The following SAMD12 variants were observed in gnomAD, a reference collection of about 807,000 sequenced individuals.
The protein encoded by SAMD12 is sterile alpha motif domain containing 12, also known as sterile alpha motif domain-containing protein 12.
A neutral mutation model predicts 15.0 loss-of-function variants in SAMD12; 9 were observed. The observed-to-expected ratio is 0.60, with a 90% CI of 0.36 to 1.05. SAMD12 has a LOEUF of 1.05. Among genes scored for constraint, SAMD12 ranks in the 50% least tolerant of loss-of-function variants. The pLI, the probability that SAMD12 is intolerant of heterozygous loss-of-function variation, is 0.01. For synonymous variants in SAMD12, 86 were observed against 90.1 expected, an observed-to-expected ratio of 0.96 and a Z score of 0.25; for missense variants, 230 against 234.2, an observed-to-expected ratio of 0.98 and a Z score of 0.12.
At chr8:118,438,399 G>C (rs1319943791) in intron 3 of SAMD12, among the ~76,000 whole-genome samples, 1 of 133,192 alleles carries the variant, frequency 7.5e-6, no homozygotes, top group African/African-American at 3.0e-5. Context: ...AAAACATTTA[G>C]TGCTTAAATG....
At chr8:118,281,328 G>T (rs2130160925) in intron 4 of SAMD12, among the ~76,000 whole-genome samples, 1 of 152,246 alleles carries the variant, frequency 6.6e-6, no homozygotes, top group South Asian at 2.1e-4. Flanking sequence ...TGTGTCTAGT[G>T]GGGAGGAGAT....
At chr8:118,136,924 T>C in the SAMD12 span, among the ~76,000 whole-genome samples, 2 of 152,218 alleles carry the variant, frequency 1.3e-5, no homozygotes, top group Non-Finnish European at 2.9e-5. Context: ...TCTTTGGCAA[T>C]AGAGATTCCT....
chr8:118,552,865 C>T (rs1449130291), intron 2 of SAMD12, among the ~76,000 whole-genome samples: 1 of 151,736 alleles, frequency 6.6e-6, no homozygotes, highest in Non-Finnish European at 1.5e-5. Context: ...ACAAAAATCA[C>T]AAGCATTCTT....
chr8:118,503,562 A>G (rs978137073), intron 2 of SAMD12, among the ~76,000 whole-genome samples: 2 of 152,338 alleles, frequency 1.3e-5, no homozygotes, highest in South Asian at 4.1e-4. Flanking sequence ...GAATCCACAG[A>G]TAGGTGGCCA....
chr8:118,552,221 CAAAA>C (rs1280387385), intron 2 of SAMD12, among the ~76,000 whole-genome samples: 1 of 151,782 alleles, frequency 6.6e-6, no homozygotes, highest in South Asian at 2.1e-4. Flanking sequence ...AGAGACACAA[CAAAA>C]AAAGAGAATT....
chr8:118,621,842 C>T lies in SAMD12; in HGVS notation c.-26G>A. 1 of 1,613,882 alleles carries T rather than the reference C, an allele frequency of 6.2e-7. No homozygotes were observed. The highest frequency in any genetic ancestry group is 2.2e-5 in the East Asian group (1 of 44,860). On this transcript the variant is annotated 5_prime_UTR_variant, in exon 1 of 4. It removes an upstream start codon present in the reference 5' UTR. Transcript: ENST00000314727. ...TCTCTCAGAGCTTCCCTAACGCATG[C>T]ATAATTTTCTTGGCCGAGGTACTCC...
chr8:118,226,838 T>G (rs1401230685), intron 4 of SAMD12, among the ~76,000 whole-genome samples: 2 of 152,110 alleles, frequency 1.3e-5, no homozygotes, highest in African/African-American at 4.8e-5. Context: ...TGAGAGCTGC[T>G]TGGAAGAACA....
chr8:118,241,079 T>C (rs1362043718), intron 4 of SAMD12, among the ~76,000 whole-genome samples: 3 of 152,210 alleles, frequency 2.0e-5, no homozygotes, highest in Non-Finnish European at 2.9e-5. Flanking sequence ...TCATTGATTT[T>C]AGGGACCAGA....
chr8:118,416,237 T>A (rs1197637347), intron 3 of SAMD12, among the ~76,000 whole-genome samples: 1 of 152,204 alleles, frequency 6.6e-6, no homozygotes, highest in Non-Finnish European at 1.5e-5. Flanking sequence ...AAATGTTATA[T>A]GAAGTGATGA....
rs183251890 is a variant in SAMD12, at chr8:118,328,414, C to T, written c.433+51146G>A. 2.0e-3 allele frequency among the ~76,000 whole-genome samples: 300 copies of T among 152,296 alleles called. 2 individuals carry two copies. The highest frequency in any genetic ancestry group is 2.5e-3 in the Non-Finnish European group (167 of 68,030). ...TGGCAACTTCATTAATAAATCCTTT[C>T]CATAACCCGGTAATCTAGGTTCCCC... On this transcript the variant is annotated intron_variant, in intron 4 of 4. Transcript: ENST00000409003.
chr8:118,565,356 T>A (rs1428104113), intron 2 of SAMD12, among the ~76,000 whole-genome samples: 1 of 152,180 alleles, frequency 6.6e-6, no homozygotes, highest in Non-Finnish European at 1.5e-5. Flanking sequence ...AGTCCTTTCA[T>A]GTTGTGCCAT....
At chr8:118,483,927 G>A (rs776493205) in intron 2 of SAMD12, among the ~76,000 whole-genome samples, 6 of 152,160 alleles carry the variant, frequency 3.9e-5, no homozygotes, top group Non-Finnish European at 7.3e-5. Context: ...TACACCAAGC[G>A]CCAACTCTAT....
At chr8:118,455,188 C>G (rs938454846) in intron 2 of SAMD12, among the ~76,000 whole-genome samples, 18 of 152,026 alleles carry the variant, frequency 1.2e-4, no homozygotes, top group African/African-American at 3.4e-4. Context: ...CTACAACTTC[C>G]TTCCTGTGGC....
the SAMD12 span, among the ~76,000 whole-genome samples, chr8:118,132,285 G>A: frequency 8.9e-4 from 136 of 152,288 alleles, 2 homozygotes; most frequent in East Asian, 0.021. Flanking sequence ...AAGGAACCCT[G>A]TGGTTCAGAA....
At chr8:118,478,825 G>C (rs1824040317) in intron 2 of SAMD12, among the ~76,000 whole-genome samples, 1 of 152,140 alleles carries the variant, frequency 6.6e-6, no homozygotes, top group South Asian at 2.1e-4. Flanking sequence ...GCAGTGAGTG[G>C]GAGCTCCAGG....
chr8:118,287,492 G>A (rs190252583), intron 4 of SAMD12, among the ~76,000 whole-genome samples: 2 of 152,314 alleles, frequency 1.3e-5, no homozygotes, highest in African/African-American at 4.8e-5. Context: ...GCTAGGGCGA[G>A]TAAAGGAAAA....
At chr8:118,278,454 A>C (rs1813523846) in intron 4 of SAMD12, among the ~76,000 whole-genome samples, 1 of 152,180 alleles carries the variant, frequency 6.6e-6, no homozygotes, top group African/African-American at 2.4e-5. Flanking sequence ...GAATGTGAAT[A>C]TTTAAAGTGG....
chr8:118,523,125 CAT>C (rs1191359164), intron 2 of SAMD12, among the ~76,000 whole-genome samples: 1 of 152,142 alleles, frequency 6.6e-6, no homozygotes, highest in Non-Finnish European at 1.5e-5. Context: ...CGTGGCACAA[CAT>C]GTGTGCACTG....
At chr8:118,499,620 C>T (rs183593219) in intron 2 of SAMD12, among the ~76,000 whole-genome samples, 9 of 152,260 alleles carry the variant, frequency 5.9e-5, no homozygotes, top group South Asian at 2.1e-4. Context: ...AGAATAGTTT[C>T]ATATGTCTAT....
Sources: allele counts gnomAD v4.1 joint callset (sites outside exome capture counted in the v4.1 genomes callset), GRCh38; gene constraint gnomAD v4.1.1; transcripts MANE v1.5; gene names NCBI Gene and HGNC (gene_info 2026-07-23, HGNC 2026-07-21).